RBM47: variants seen among roughly 807,000 people sequenced by gnomAD.
RBM47 encodes RNA-binding protein 47.
In RBM47, 21 loss-of-function variants were observed where a neutral mutation model predicts 47.1. That is an observed-to-expected ratio of 0.45 (90% CI 0.32 to 0.64). The LOEUF is 0.64. Among genes scored for constraint, RBM47 ranks in the 30% least tolerant of loss-of-function variants. RBM47 has a pLI of 0.05. For synonymous variants in RBM47, 375 were observed against 361.7 expected, an observed-to-expected ratio of 1.04 and a Z score of -0.42; for missense variants, 708 against 870.9, an observed-to-expected ratio of 0.81 and a Z score of 2.35.
At chr4:40,562,840 T>C (rs1283464911) in intron 1 of RBM47, among the ~76,000 whole-genome samples, 2 of 152,192 alleles carry the variant, frequency 1.3e-5, no homozygotes, top group African/African-American at 2.4e-5. Context: ...ATATAGCTGC[T>C]CAGGAGCTGC....
chr4:40,502,957 T>C (rs191614932), intron 2 of RBM47, among the ~76,000 whole-genome samples: 2 of 122,758 alleles, frequency 1.6e-5, no homozygotes, highest in East Asian at 2.3e-4. Flanking sequence ...CTCGTCAACA[T>C]AGTGTAACAT....
chr4:40,502,768 C>T (rs1241573741), intron 2 of RBM47, among the ~76,000 whole-genome samples: 1 of 152,020 alleles, frequency 6.6e-6, no homozygotes, highest in Admixed American at 6.6e-5. Context: ...ATCACTTGAG[C>T]CCAGGAGGTT....
chr4:40,478,585 G>A (rs1298582427), intron 2 of RBM47, among the ~76,000 whole-genome samples: 1 of 152,204 alleles, frequency 6.6e-6, no homozygotes, highest in Non-Finnish European at 1.5e-5. Context: ...ACATGATTAT[G>A]TGGCCTATTT....
At chr4:40,458,756 T>C (rs1314996524) in intron 3 of RBM47, among the ~76,000 whole-genome samples, 1 of 137,352 alleles carries the variant, frequency 7.3e-6, no homozygotes, top group African/African-American at 3.2e-5. Flanking sequence ...TGATAATTGT[T>C]TTTTTTTCCC....
rs542550879 is a variant in RBM47 at position 40,561,808 on chromosome 4, C to T, written c.-239-17302G>A. Among the ~76,000 whole-genome samples, 12 of 152,214 alleles carry T rather than the reference C, an allele frequency of 7.9e-5. No individual in the cohort carries two copies. In the East Asian group the frequency reaches 2.3e-3, roughly 29 times the overall value. On this transcript the variant is annotated intron_variant, in intron 1 of 6. Coordinates refer to ENST00000295971, the MANE Select transcript of RBM47 (RefSeq NM_001098634.2). ...CAAGCAATCCACCCATCTGGGCCTC[C>T]CTAAGTGCTGGGATTACAGGTGTGA...
chr4:40,482,039 G>A (rs1720506934), intron 2 of RBM47, among the ~76,000 whole-genome samples: 1 of 152,164 alleles, frequency 6.6e-6, no homozygotes, highest in East Asian at 1.9e-4. Context: ...TGGCCATGAT[G>A]TGATTTCTAT....
intron 6 of RBM47, among the ~76,000 whole-genome samples, chr4:40,428,420 C>A (rs1240787782): frequency 1.3e-5 from 2 of 152,170 alleles, no homozygotes; most frequent in Non-Finnish European, 2.9e-5. Flanking sequence ...TTTAGCCTTA[C>A]GTTAACTTGC....
intron 1 of RBM47, among the ~76,000 whole-genome samples, chr4:40,578,503 C>T (rs1732552222): frequency 6.6e-6 from 1 of 152,214 alleles, no homozygotes; most frequent in Admixed American, 6.5e-5. Flanking sequence ...CACTTATAGA[C>T]AATTGTAGAA....
chr4:40,441,204 A>G (rs1713574337), intron 3 of RBM47, among the ~76,000 whole-genome samples: 1 of 151,084 alleles, frequency 6.6e-6, no homozygotes, highest in Non-Finnish European at 1.5e-5. Flanking sequence ...TGGGAGGATT[A>G]CTTGAGCCCA....
At position 40,614,954 on chromosome 4, in the gene RBM47, T is replaced by C. The variant is rs1000698098; in HGVS notation, c.-240+14442A>G. Among the ~76,000 whole-genome samples, 2 of 151,432 alleles carry C rather than the reference T, an allele frequency of 1.3e-5. 1 individual carries two copies. Among genetic ancestry groups the C allele is most frequent in the South Asian group, 4.2e-4 (2 of 4,790 alleles). On this transcript the variant is annotated intron_variant, in intron 1 of 6. Coordinates refer to ENST00000295971, the MANE Select transcript of RBM47 (RefSeq NM_001098634.2). ...AATTGTAAAACCTACTTCTCACGGGTGGTTTGTTGGTTAAATAAAATCATG... is the reference window on the plus strand; with the variant it reads ...AATTGTAAAACCTACTTCTCACGGGCGGTTTGTTGGTTAAATAAAATCATG...
intron 2 of RBM47, among the ~76,000 whole-genome samples, chr4:40,470,622 C>A (rs1718718012): frequency 6.6e-6 from 1 of 152,166 alleles, no homozygotes; most frequent in South Asian, 2.1e-4. Flanking sequence ...ATGCTCCAGT[C>A]TAATATCAAG....
intron 6 of RBM47, among the ~76,000 whole-genome samples, chr4:40,429,345 C>A (rs1715530731): frequency 6.6e-6 from 1 of 151,710 alleles, no homozygotes; most frequent in African/African-American, 2.4e-5. Flanking sequence ...CTAAGAACTA[C>A]AGTAAGAAAG....
intron 1 of RBM47, among the ~76,000 whole-genome samples, chr4:40,548,784 A>G (rs886220279): frequency 6.6e-6 from 1 of 152,080 alleles, no homozygotes; most frequent in African/African-American, 2.4e-5. Context: ...CTCCTGCCTC[A>G]GCCTCCCAAG....
chr4:40,434,702 G>T (rs1712026509), intron 5 of RBM47, among the ~76,000 whole-genome samples: 1 of 24,610 alleles, frequency 4.1e-5, no homozygotes, highest in African/African-American at 2.0e-4. Flanking sequence ...TTTTACACAG[G>T]CAAAAAAAAA....
At chr4:40,488,654 G>T (rs943983379) in intron 2 of RBM47, among the ~76,000 whole-genome samples, 4 of 152,224 alleles carry the variant, frequency 2.6e-5, no homozygotes, top group African/African-American at 9.6e-5. Flanking sequence ...GGTCCACCCT[G>T]GTAGTACATA....
chr4:40,531,043 G>A (rs556020131), intron 2 of RBM47, among the ~76,000 whole-genome samples: 1 of 152,306 alleles, frequency 6.6e-6, no homozygotes, highest in African/African-American at 2.4e-5. Context: ...AAGCTACAGT[G>A]AGCCATGATC....
chr4:40,436,670 T>C, intron 4 of RBM47, 23 bp from the exon 5 acceptor site: 1 of 1,610,984 alleles, frequency 6.2e-7, no homozygotes, highest in Admixed American at 1.7e-5. Context: ...ACACAAAAGA[T>C]GATCAGCAAC....
intron 1 of RBM47, among the ~76,000 whole-genome samples, chr4:40,589,675 G>C (rs1222347942): frequency 6.6e-6 from 1 of 152,212 alleles, no homozygotes; most frequent in Admixed American, 6.5e-5. Context: ...CTGGCCTCAA[G>C]TGATCCACCC....
intron 2 of RBM47, among the ~76,000 whole-genome samples, chr4:40,532,235 C>A: frequency 6.7e-6 from 1 of 149,914 alleles, no homozygotes; most frequent in African/African-American, 2.5e-5. Flanking sequence ...TGGTCTCGAT[C>A]TCCTGACCTC....
Sources: allele counts gnomAD v4.1 joint callset (sites outside exome capture counted in the v4.1 genomes callset), GRCh38; gene constraint gnomAD v4.1.1; transcripts MANE v1.5; gene names NCBI Gene and HGNC (gene_info 2026-07-23, HGNC 2026-07-21).